The following ADAMTSL3 variants were observed in gnomAD, a reference collection of about 807,000 sequenced individuals.
The protein encoded by ADAMTSL3 is ADAMTS like 3, also known as ADAMTS-like protein 3.
ADAMTSL3 carries 128 observed loss-of-function variants against 201.7 expected under a neutral mutation model. The ratio of observed to expected loss-of-function variants is 0.63; its 90% CI spans 0.55 to 0.73. The LOEUF (loss-of-function observed/expected upper bound fraction) is 0.73. Among genes scored for constraint, ADAMTSL3 ranks in the 30% least tolerant of loss-of-function variants. The probability of loss-of-function intolerance (pLI) is 0.00; values close to 1 mark genes in which losing one functional copy is unlikely to be tolerated. For missense variants in ADAMTSL3, 1,990 were observed against 2,119.6 expected, an observed-to-expected ratio of 0.94 and a Z score of 1.20; for synonymous variants, 738 against 748.4, an observed-to-expected ratio of 0.99 and a Z score of 0.23.
In ADAMTSL3 at chr15:83,673,360, A is replaced by G. The variant is rs2061352326; in HGVS notation, c.69+17530A>G. 2.0e-5 allele frequency among the ~76,000 whole-genome samples: 3 copies of G among 152,368 alleles called. No homozygotes were observed. In the South Asian group the frequency reaches 6.2e-4, roughly 32 times the overall value. The stretch of plus-strand genomic sequence containing the variant: ...AGGCACACATACATAATTGTACGAC[A>G]CAGAGCAAGATAGATAATGTACTGA... On this transcript the variant is annotated intron_variant, in intron 2 of 29. Transcript: ENST00000286744.
chr15:83,697,333 T>C (rs1050099590), intron 2 of ADAMTSL3, among the ~76,000 whole-genome samples: 1 of 152,184 alleles, frequency 6.6e-6, no homozygotes, highest in African/African-American at 2.4e-5. Flanking sequence ...AGCTATTCAC[T>C]GGACACCACT....
chr15:83,780,274 G>A (rs1415627660), intron 4 of ADAMTSL3, among the ~76,000 whole-genome samples: 1 of 151,978 alleles, frequency 6.6e-6, no homozygotes, highest in Admixed American at 6.6e-5. Context: ...GCTGGGCATG[G>A]TGGCGGGCAC....
chr15:84,023,928 T>C (rs1241914003), intron 26 of ADAMTSL3, among the ~76,000 whole-genome samples: 4 of 152,180 alleles, frequency 2.6e-5, no homozygotes, highest in Admixed American at 2.6e-4. Flanking sequence ...GGAAACCAAT[T>C]ATATTGAAGT....
At chr15:83,962,896 A>G (rs2067000397) in intron 19 of ADAMTSL3, among the ~76,000 whole-genome samples, 1 of 152,138 alleles carries the variant, frequency 6.6e-6, no homozygotes, top group Non-Finnish European at 1.5e-5. Flanking sequence ...GTGTCTCCTT[A>G]CCTGGGAAGT....
intron 4 of ADAMTSL3, among the ~76,000 whole-genome samples, chr15:83,801,651 A>AATATAAATATATATAT (rs1555445598): frequency 1.6e-4 from 5 of 31,266 alleles, no homozygotes; most frequent in East Asian, 9.0e-4. Flanking sequence ...TATAAATATA[A>AATATAAATATATATAT]ATATATATAT....
chr15:84,015,543 C>G (rs537278443), intron 24 of ADAMTSL3, among the ~76,000 whole-genome samples: 4 of 152,246 alleles, frequency 2.6e-5, no homozygotes, highest in African/African-American at 9.6e-5. Flanking sequence ...TTATGAGGAG[C>G]CTTGGGCTCA....
intron 5 of ADAMTSL3, among the ~76,000 whole-genome samples, chr15:83,817,163 T>A (rs1333431128): frequency 1.4e-4 from 21 of 152,198 alleles, no homozygotes; most frequent in Admixed American, 1.4e-3. Context: ...TTAATTATAT[T>A]CTATCTATTC....
intron 17 of ADAMTSL3, among the ~76,000 whole-genome samples, chr15:83,931,307 C>T (rs1379436160): frequency 3.3e-5 from 5 of 152,206 alleles, no homozygotes; most frequent in Admixed American, 2.6e-4. Flanking sequence ...TTATTGAGTT[C>T]ATTGTCTGTG....
At chr15:84,005,079 CAGA>C (rs1596526496) in intron 23 of ADAMTSL3, among the ~76,000 whole-genome samples, 1 of 152,170 alleles carries the variant, frequency 6.6e-6, no homozygotes, top group East Asian at 1.9e-4. Context: ...AGGTGCAGCT[CAGA>C]AGAACCAAAG....
chr15:84,009,476 A>G (rs913365587), intron 23 of ADAMTSL3, among the ~76,000 whole-genome samples: 1 of 152,248 alleles, frequency 6.6e-6, no homozygotes, highest in Non-Finnish European at 1.5e-5. Context: ...ATCGAATAAT[A>G]TATGTACTTC....
intron 11 of ADAMTSL3, 64 bp from the exon 12 acceptor site, chr15:83,891,265 C>T (rs549043745): frequency 6.4e-5 from 84 of 1,304,702 alleles, no homozygotes; most frequent in South Asian, 3.5e-4. Context: ...ATATTATATT[C>T]GTCAATTAAT....
intron 15 of ADAMTSL3, among the ~76,000 whole-genome samples, chr15:83,910,876 G>A (rs1034095782): frequency 4.1e-4 from 62 of 151,792 alleles, no homozygotes; most frequent in African/African-American, 1.4e-3. Flanking sequence ...CTGACCTCAG[G>A]TGATTCGCCC....
chr15:83,935,892 C>T (rs941514336), intron 17 of ADAMTSL3, among the ~76,000 whole-genome samples: 2 of 152,018 alleles, frequency 1.3e-5, no homozygotes, highest in Non-Finnish European at 2.9e-5. Context: ...TTAAAAAGAG[C>T]TTGGCACATC....
At chr15:83,716,244 A>G (rs1596078392) in intron 3 of ADAMTSL3, among the ~76,000 whole-genome samples, 2 of 152,170 alleles carry the variant, frequency 1.3e-5, no homozygotes, top group Admixed American at 1.3e-4. Context: ...AGCTCATGCC[A>G]GTAATCTCAG....
intron 23 of ADAMTSL3, among the ~76,000 whole-genome samples, chr15:83,992,325 A>G (rs1432854479): frequency 6.6e-6 from 1 of 152,142 alleles, no homozygotes; most frequent in Non-Finnish European, 1.5e-5. Flanking sequence ...GCTAACCCCC[A>G]AGATATTGTT....
intron 23 of ADAMTSL3, among the ~76,000 whole-genome samples, chr15:83,993,557 A>G (rs2067622855): frequency 6.6e-6 from 1 of 152,232 alleles, no homozygotes; most frequent in African/African-American, 2.4e-5. Flanking sequence ...CATAGCTTCT[A>G]GAGAAGTTCA....
chr15:83,840,828 G>A (rs776774180), intron 7 of ADAMTSL3, among the ~76,000 whole-genome samples: 1 of 152,212 alleles, frequency 6.6e-6, no homozygotes, highest in Admixed American at 6.5e-5. Flanking sequence ...GAGTTTATAA[G>A]TCTTTTCTAA....
chr15:83,830,340 C>T (rs898398488), intron 6 of ADAMTSL3, among the ~76,000 whole-genome samples: 5 of 152,262 alleles, frequency 3.3e-5, no homozygotes, highest in Admixed American at 3.3e-4. Flanking sequence ...AGTACAGAGT[C>T]CTGGTGCCCA....
intron 19 of ADAMTSL3, among the ~76,000 whole-genome samples, chr15:83,966,454 T>TA (rs1350419486): frequency 4.6e-5 from 7 of 152,080 alleles, no homozygotes; most frequent in Non-Finnish European, 1.0e-4. Context: ...CCTGGACACA[T>TA]ACACCCTCCC....
Sources: allele counts gnomAD v4.1 joint callset (sites outside exome capture counted in the v4.1 genomes callset), GRCh38; gene constraint gnomAD v4.1.1; transcripts MANE v1.5; gene names NCBI Gene and HGNC (gene_info 2026-07-23, HGNC 2026-07-21).